The following SMARCD1 variants were observed in gnomAD, a reference collection of about 807,000 sequenced individuals.
SMARCD1 encodes SWI/SNF related BAF chromatin remodeling complex subunit D1, also known as SWI/SNF-related matrix-associated actin-dependent regulator of chromatin subfamily D member 1.
Under a neutral mutation model 70.8 loss-of-function variants are expected in SMARCD1, and 16 were observed. The observed-to-expected ratio is 0.23, with a 90% CI of 0.15 to 0.34. The LOEUF (loss-of-function observed/expected upper bound fraction) is 0.34. Among genes scored for constraint, SMARCD1 ranks in the 10% least tolerant of loss-of-function variants. The probability of loss-of-function intolerance (pLI) is 1.00; values close to 1 mark genes in which losing one functional copy is unlikely to be tolerated. For synonymous variants in SMARCD1, 249 were observed against 246.0 expected, an observed-to-expected ratio of 1.01 and a Z score of -0.11; for missense variants, 409 against 655.5, an observed-to-expected ratio of 0.62 and a Z score of 4.11.
chr12:50,088,418 T>G, intron 5 of SMARCD1, 103 bp from the exon 6 acceptor site: 1 of 710,332 alleles, frequency 1.4e-6, no homozygotes, highest in Non-Finnish European at 2.5e-6. Context: ...AGATATTTTT[T>G]GAGTTTTTTT....
intron 9 of SMARCD1, 41 bp downstream of exon 9, chr12:50,090,631 C>T: frequency 1.3e-6 from 2 of 1,493,256 alleles, no homozygotes; most frequent in Non-Finnish European, 1.9e-6. Context: ...CCGGAGCTGC[C>T]TTGTGCCGAT....
At chr12:50,086,981 A>T in intron 4 of SMARCD1, 103 bp downstream of exon 4, 4 of 1,203,582 alleles carry the variant, frequency 3.3e-6, no homozygotes, top group Non-Finnish European at 4.7e-6. Context: ...TCTCCTTGGC[A>T]TTTAAATTGC....
intron 12 of SMARCD1, 66 bp downstream of exon 12, chr12:50,098,881 C>G: frequency 6.3e-7 from 1 of 1,595,082 alleles, no homozygotes; most frequent in Non-Finnish European, 8.6e-7. Context: ...TGATGGGGGT[C>G]AGTGGTGTTA....
At position 50,100,273 on chromosome 12, in the gene SMARCD1, C is replaced by T. The variant is rs141821568; in HGVS notation, c.*1273C>T. On this transcript the variant is annotated 3_prime_UTR_variant, in exon 13 of 13. Coordinates refer to ENST00000394963, the MANE Select transcript of SMARCD1 (RefSeq NM_003076.5). ...ACAGCTGGGCACAAAGGGGGAATTC[C>T]GTTCAGCATGGGCTCTAAACCCACA... The T allele has an allele frequency of 6.5e-6, 1 of 152,748 alleles. No individual in the cohort carries two copies. The highest frequency in any genetic ancestry group is 1.5e-5 in the Non-Finnish European group (1 of 68,058). 9.5% of individuals were successfully genotyped at this position (152,748 alleles called of 1,614,324 possible).
Position 50,089,874 on chromosome 12 carries a change from C to T in SMARCD1, c.772-10C>T, listed in dbSNP as rs375978308. The T allele has an allele frequency of 1.3e-4, 209 of 1,610,032 alleles. No individual in the cohort carries two copies. Among genetic ancestry groups the T allele is most frequent in the Non-Finnish European group, 1.6e-4 (193 of 1,176,536 alleles). On this transcript the variant is annotated splice_polypyrimidine_tract_variant and intron_variant, in intron 6 of 12. Coordinates refer to ENST00000394963, the MANE Select transcript of SMARCD1 (RefSeq NM_003076.5). ...TGGGAGAGCACCCCCTGACATCTTC[C>T]TCTCTGTAGTGGCACAGGACCGCCA...
chr12:50,087,140 G>A (rs779202608), intron 4 of SMARCD1, among the ~76,000 whole-genome samples: 7 of 152,112 alleles, frequency 4.6e-5, no homozygotes, highest in Non-Finnish European at 8.8e-5. Flanking sequence ...TGGGAACCTG[G>A]CACCTTGCAT....
chr12:50,088,647 T>G lies in SMARCD1; in HGVS notation c.771+10T>G. 7.0e-7 allele frequency: 1 copy of G among 1,419,446 alleles called. No individual in the cohort carries two copies. Among genetic ancestry groups the G allele is most frequent in the Non-Finnish European group, 9.9e-7 (1 of 1,008,544 alleles). 87.9% of individuals were successfully genotyped at this position (1,419,446 alleles called of 1,614,324 possible). A position where few individuals can be genotyped will look rare whatever the true frequency, so the allele number is the denominator to read the frequency against. The stretch of plus-strand genomic sequence containing the variant: ...CAACCATCTGGTAGAAGTGAGTAGC[T>G]CTGCCTTCTAGGCTTTGACTCTGAT... On this transcript the variant is annotated intron_variant, in intron 6 of 12. Transcript: ENST00000394963.
At position 50,090,335 on chromosome 12, in the gene SMARCD1, T is replaced by C; in HGVS notation, c.968T>C (p.Ile323Thr). 1.2e-6 allele frequency: 2 copies of C among 1,614,158 alleles called. No individual in the cohort carries two copies. The highest frequency in any genetic ancestry group is 1.1e-5 in the South Asian group (1 of 91,078). The change falls in exon 8 of 13, where the codon ATT becomes ACT. Residue 323 changes from isoleucine to threonine, a missense_variant. Transcript: ENST00000394963. ...PVIIQALWQY[I>T]KTHKLQDPHE... is the part of the protein sequence containing the mutation. Reference sequence around the variant, plus strand: ...ATCATCCAAGCACTGTGGCAATATATTAAGACACATAAGCTCCAGGACCCT... The same window carrying C: ...ATCATCCAAGCACTGTGGCAATATACTAAGACACATAAGCTCCAGGACCCT...
chr12:50,088,226 A>G (rs1433201416), intron 5 of SMARCD1: 7 of 700,802 alleles, frequency 1.0e-5, no homozygotes, highest in East Asian at 2.7e-5. Context: ...TCTCTGTTCA[A>G]ACTCGCTTAG....
Position 50,098,824 on chromosome 12 carries a change from A to G in SMARCD1, c.1494+9A>G, listed in dbSNP as rs754885300. 2.2e-5 allele frequency: 35 copies of G among 1,612,034 alleles called. 1 individual carries two copies. The highest frequency in any genetic ancestry group is 9.3e-5 in the African/African-American group (7 of 74,894). Reference sequence around the variant, plus strand: ...GATACTTCTACTCCAAGGTAAGTACATGGGGTGCACGGGGGAAATTGACAA... The same window carrying G: ...GATACTTCTACTCCAAGGTAAGTACGTGGGGTGCACGGGGGAAATTGACAA... On this transcript the variant is annotated intron_variant, in intron 12 of 12. Transcript: ENST00000394963.
chr12:50,086,585 C>G (rs1296532620), intron 2 of SMARCD1, 36 bp from the exon 3 acceptor site: 1 of 1,603,432 alleles, frequency 6.2e-7, no homozygotes, highest in African/African-American at 1.3e-5. Context: ...CTGACTAGTT[C>G]TGTCCCAACC....
intron 2 of SMARCD1, 87 bp from the exon 3 acceptor site, chr12:50,086,534 C>T: frequency 7.5e-7 from 1 of 1,334,710 alleles, no homozygotes; most frequent in South Asian, 1.2e-5. Context: ...AGTCCCTTCA[C>T]ATTACTATAA....
At chr12:50,086,491 G>GTGGTGGTGGTGGTGGTGGTGA in intron 2 of SMARCD1, 130 bp from the exon 3 acceptor site, 2 of 1,087,670 alleles carry the variant, frequency 1.8e-6, no homozygotes, top group Non-Finnish European at 2.7e-6. Flanking sequence ...GGTGGTGGTG[G>GTGGTGGTGGTGGTGGTGGTGA]TGGTGGTGGT....
chr12:50,094,585 G>T lies in SMARCD1; in HGVS notation c.1269+13G>T. 2 of 1,612,556 alleles carry T rather than the reference G, an allele frequency of 1.2e-6. No homozygotes were observed. The highest frequency in any genetic ancestry group is 1.7e-6 in the Non-Finnish European group (2 of 1,179,470). On this transcript the variant is annotated intron_variant, in intron 10 of 12. Coordinates refer to ENST00000394963, the MANE Select transcript of SMARCD1 (RefSeq NM_003076.5). ...TCTAGACAACAAGGTAGGGGTCTGTGCCCTGGATAGTTGGGTACCACCAGC... is the reference window on the plus strand; with the variant it reads ...TCTAGACAACAAGGTAGGGGTCTGTTCCCTGGATAGTTGGGTACCACCAGC...
rs1950918434 is a variant in SMARCD1 at position 50,099,188 on chromosome 12, C to T, written c.*188C>T. The stretch of plus-strand genomic sequence containing the variant: ...CCTCTTCTTTCACCCTATCTCTTCC[C>T]ACCCCCAGCTTCCCTTTGCCCCACA... On this transcript the variant is annotated 3_prime_UTR_variant, in exon 13 of 13. Transcript: ENST00000394963. The T allele has an allele frequency of 3.2e-6, 2 of 628,486 alleles. No individual in the cohort carries two copies. The highest frequency in any genetic ancestry group is 5.7e-6 in the Non-Finnish European group (2 of 353,572). The allele number at this position is 628,486 out of a possible 1,614,324, so 38.9% of individuals were successfully genotyped here.
chr12:50,096,374 A>G (rs539029420), intron 10 of SMARCD1, among the ~76,000 whole-genome samples: 2 of 152,086 alleles, frequency 1.3e-5, no homozygotes, highest in Non-Finnish European at 2.9e-5. Flanking sequence ...TAGAAGATAG[A>G]CTCTGGGCTG....
chr12:50,088,175 C>A (rs1391373299), intron 5 of SMARCD1: 1 of 688,282 alleles, frequency 1.5e-6, no homozygotes, highest in Non-Finnish European at 2.7e-6. Flanking sequence ...GTTCTGGCTG[C>A]TTATTGCCTG....
At chr12:50,093,424 A>G (rs1228791176) in intron 9 of SMARCD1, among the ~76,000 whole-genome samples, 1 of 151,958 alleles carries the variant, frequency 6.6e-6, no homozygotes, top group African/African-American at 2.4e-5. Flanking sequence ...TTGGCTTCCC[A>G]GAATGCTGGG....
In SMARCD1 at chr12:50,100,583, C is replaced by G. The variant is rs1950932316; in HGVS notation, c.*1583C>G. 2 of 152,452 alleles carry G rather than the reference C, an allele frequency of 1.3e-5. No individual in the cohort carries two copies. The highest frequency in any genetic ancestry group is 2.9e-5 in the Non-Finnish European group (2 of 67,988). The allele number at this position is 152,452 out of a possible 1,614,324, so 9.4% of individuals were successfully genotyped here. A position where few individuals can be genotyped will look rare whatever the true frequency, so the allele number is the denominator to read the frequency against. The stretch of plus-strand genomic sequence containing the variant: ...TGAATTGTTTTTTTCATGGACCAAA[C>G]TTTTTTTTGTACTGTCCCCTTATTG... On this transcript the variant is annotated 3_prime_UTR_variant, in exon 13 of 13. Transcript: ENST00000394963.
Sources: gnomAD v4.1 joint callset for allele counts (sites outside exome capture counted in the v4.1 genomes callset) on GRCh38, gnomAD v4.1.1 for gene constraint, MANE v1.5 for transcripts, NCBI Gene and HGNC (gene_info 2026-07-23, HGNC 2026-07-21) for gene names.